NKAIN2: variants seen among roughly 807,000 people sequenced by gnomAD.
The protein encoded by NKAIN2 is sodium/potassium transporting ATPase interacting 2, also known as sodium/potassium-transporting ATPase subunit beta-1-interacting protein 2.
In NKAIN2, 14 loss-of-function variants were observed where a neutral mutation model predicts 32.6. That is an observed-to-expected ratio of 0.43 (90% CI 0.28 to 0.67). The LOEUF (loss-of-function observed/expected upper bound fraction) is 0.67, where lower values mean the gene tolerates loss of function less well. Ranked by LOEUF, NKAIN2 falls within the 30% of genes least tolerant of loss-of-function variation. The pLI is 0.17. For synonymous variants in NKAIN2, 80 were observed against 87.2 expected, an observed-to-expected ratio of 0.92 and a Z score of 0.46; for missense variants, 198 against 258.3, an observed-to-expected ratio of 0.77 and a Z score of 1.60.
chr6:124,417,106 G>A (rs771912822), intron 3 of NKAIN2, among the ~76,000 whole-genome samples: 1 of 152,142 alleles, frequency 6.6e-6, no homozygotes, highest in Non-Finnish European at 1.5e-5. Context: ...ACATCAAAAT[G>A]TATGAGAAAA....
chr6:123,994,271 C>T (rs551057304), intron 1 of NKAIN2, among the ~76,000 whole-genome samples: 3 of 150,782 alleles, frequency 2.0e-5, no homozygotes, highest in South Asian at 4.2e-4. Context: ...GGACCTTGAA[C>T]GGTGCATAGA....
chr6:124,674,446 C>T (rs75364366), intron 4 of NKAIN2, among the ~76,000 whole-genome samples: 8,941 of 151,820 alleles, frequency 0.059, 357 homozygotes, highest in African/African-American at 0.11. Flanking sequence ...AGATTGTTTC[C>T]GGTACTATTA....
intron 4 of NKAIN2, among the ~76,000 whole-genome samples, chr6:124,667,134 C>T (rs1772839358): frequency 6.6e-6 from 1 of 152,170 alleles, no homozygotes; most frequent in African/African-American, 2.4e-5. Flanking sequence ...CAAATTTTAT[C>T]CCATATCAAC....
chr6:124,021,083 C>A (rs371363364), intron 1 of NKAIN2, among the ~76,000 whole-genome samples: 3 of 151,944 alleles, frequency 2.0e-5, no homozygotes, highest in East Asian at 3.9e-4. Context: ...AAGCACAATT[C>A]TTTGCCTTTC....
chr6:124,813,729 C>T (rs1447051630), intron 5 of NKAIN2, among the ~76,000 whole-genome samples: 2 of 152,090 alleles, frequency 1.3e-5, no homozygotes, highest in Admixed American at 6.6e-5. Context: ...TAAATGATAT[C>T]ACTTGAAAGG....
chr6:124,223,208 A>G, intron 1 of NKAIN2, among the ~76,000 whole-genome samples: 1 of 101,612 alleles, frequency 9.8e-6, no homozygotes, highest in Non-Finnish European at 2.1e-5. Flanking sequence ...GTGAGACTCC[A>G]TCTCAAAAAA....
At chr6:123,936,567 T>G (rs1776517664) in intron 1 of NKAIN2, among the ~76,000 whole-genome samples, 1 of 152,008 alleles carries the variant, frequency 6.6e-6, no homozygotes, top group Non-Finnish European at 1.5e-5. Flanking sequence ...ATGCTATAAT[T>G]TAACGAAGAT....
chr6:124,400,451 A>AT (rs964167976), intron 3 of NKAIN2, among the ~76,000 whole-genome samples: 4 of 151,990 alleles, frequency 2.6e-5, no homozygotes, highest in Non-Finnish European at 5.9e-5. Context: ...CTATCTATAT[A>AT]TTTTTTTAAT....
chr6:124,091,876 A>C (rs1417343097), intron 1 of NKAIN2, among the ~76,000 whole-genome samples: 1 of 151,970 alleles, frequency 6.6e-6, no homozygotes, highest in Non-Finnish European at 1.5e-5. Context: ...CATCATATGC[A>C]GATCTTCACT....
chr6:123,834,206 G>A (rs567028121), intron 1 of NKAIN2, among the ~76,000 whole-genome samples: 51 of 152,162 alleles, frequency 3.4e-4, no homozygotes, highest in African/African-American at 9.6e-4. Flanking sequence ...CCAGGCTGGC[G>A]TGCAATGACG....
At chr6:124,334,765 A>G (rs1366473491) in intron 2 of NKAIN2, among the ~76,000 whole-genome samples, 1 of 152,170 alleles carries the variant, frequency 6.6e-6, no homozygotes. Context: ...CTAATTTGTT[A>G]ATTTTACAAA....
intron 1 of NKAIN2, among the ~76,000 whole-genome samples, chr6:123,894,715 C>G (rs943177496): frequency 3.3e-5 from 5 of 151,948 alleles, no homozygotes; most frequent in Non-Finnish European, 5.9e-5. Context: ...TCCCAGGATT[C>G]TCTAAAGGAA....
intron 1 of NKAIN2, among the ~76,000 whole-genome samples, chr6:124,060,520 A>ATTT (rs1210306988): frequency 2.0e-5 from 3 of 152,166 alleles, no homozygotes; most frequent in African/African-American, 4.8e-5. Context: ...CCTGTGTTCC[A>ATTT]TTTTGTACAC....
intron 3 of NKAIN2, among the ~76,000 whole-genome samples, chr6:124,395,296 T>A (rs2114432862): frequency 6.6e-6 from 1 of 152,298 alleles, no homozygotes. Flanking sequence ...AAATCTTCTA[T>A]GAAATTCTTC....
intron 4 of NKAIN2, among the ~76,000 whole-genome samples, chr6:124,759,547 C>T (rs1469241503): frequency 1.3e-5 from 2 of 149,008 alleles, no homozygotes; most frequent in Non-Finnish European, 3.0e-5. Context: ...ATGGTACTTT[C>T]TCAAGGAAGT....
chr6:123,814,191 A>G (rs1009184689), intron 1 of NKAIN2, among the ~76,000 whole-genome samples: 6 of 152,158 alleles, frequency 3.9e-5, no homozygotes, highest in East Asian at 1.9e-4. Context: ...TTCAAAAGCA[A>G]TTAAGTACTA....
At chr6:124,534,080 A>G (rs1260464748) in intron 3 of NKAIN2, among the ~76,000 whole-genome samples, 1 of 152,182 alleles carries the variant, frequency 6.6e-6, no homozygotes, top group Non-Finnish European at 1.5e-5. Context: ...CACATGACCC[A>G]TTATAACTTA....
chr6:123,831,804 T>C (rs1013147750), intron 1 of NKAIN2, among the ~76,000 whole-genome samples: 1 of 152,034 alleles, frequency 6.6e-6, no homozygotes, highest in Non-Finnish European at 1.5e-5. Context: ...TACAGGTGCC[T>C]GCTACCACGT....
chr6:124,141,561 G>A (rs938715418), intron 1 of NKAIN2, among the ~76,000 whole-genome samples: 2 of 151,788 alleles, frequency 1.3e-5, no homozygotes, highest in African/African-American at 4.8e-5. Flanking sequence ...GGATTAACAC[G>A]GTCAGTTCAT....
Sources: allele counts gnomAD v4.1 joint callset (sites outside exome capture counted in the v4.1 genomes callset), GRCh38; gene constraint gnomAD v4.1.1; transcripts MANE v1.5; gene names NCBI Gene and HGNC (gene_info 2026-07-23, HGNC 2026-07-21).